Variants in AP1AR observed in about 807,000 individuals in gnomAD.
The protein encoded by AP1AR is AP-1 complex-associated regulatory protein.
AP1AR carries 29 observed loss-of-function variants against 46.3 expected under a neutral mutation model. The observed-to-expected ratio is 0.63, with a 90% CI of 0.47 to 0.85. The LOEUF (loss-of-function observed/expected upper bound fraction) is 0.85. Among genes scored for constraint, AP1AR ranks in the 40% least tolerant of loss-of-function variants. AP1AR has a pLI of 0.00. For missense variants in AP1AR, 357 were observed against 356.3 expected, an observed-to-expected ratio of 1.00 and a Z score of -0.02; for synonymous variants, 122 against 122.9, an observed-to-expected ratio of 0.99 and a Z score of 0.05.
chr4:112,257,441 T>C (rs1160612114), intron 3 of AP1AR, among the ~76,000 whole-genome samples: 1 of 152,114 alleles, frequency 6.6e-6, no homozygotes, highest in Non-Finnish European at 1.5e-5. Flanking sequence ...AATGAGAACA[T>C]AGAGAATATG....
At chr4:112,233,216 C>A (rs1325967551) in intron 1 of AP1AR, among the ~76,000 whole-genome samples, 3 of 152,098 alleles carry the variant, frequency 2.0e-5, no homozygotes, top group African/African-American at 4.8e-5. Flanking sequence ...TAATTTGAAT[C>A]TTTGGTAATG....
chr4:112,232,048 G>A lies in AP1AR; in HGVS notation c.-44G>A. On this transcript the variant is annotated 5_prime_UTR_variant, in exon 1 of 10. Coordinates refer to ENST00000274000, the MANE Select transcript of AP1AR (RefSeq NM_018569.6). ...GCTGCCGGGCCTGGGTTTGGGCATT[G>A]AGCGGGAGGAGGAGGAGGAGCGGCG... 2.2e-6 allele frequency: 3 copies of A among 1,345,838 alleles called. No individual in the cohort carries two copies. The highest frequency in any genetic ancestry group is 3.6e-5 in the Admixed American group (1 of 28,112). The allele number at this position is 1,345,838 out of a possible 1,614,324, so 83.4% of individuals were successfully genotyped here.
At chr4:112,253,577 G>A (rs1029770125) in intron 2 of AP1AR, among the ~76,000 whole-genome samples, 2 of 152,226 alleles carry the variant, frequency 1.3e-5, no homozygotes, top group African/African-American at 4.8e-5. Context: ...GCAGGGGGGA[G>A]TCCAGAAACA....
intron 1 of AP1AR, among the ~76,000 whole-genome samples, chr4:112,241,596 G>C (rs1242993089): frequency 1.3e-5 from 2 of 152,170 alleles, no homozygotes; most frequent in Non-Finnish European, 2.9e-5. Context: ...GCTTTACTCA[G>C]TCCACCAATT....
chr4:112,265,157 G>A (rs777418398), intron 7 of AP1AR, 90 bp downstream of exon 7: 2 of 936,142 alleles, frequency 2.1e-6, no homozygotes, highest in Non-Finnish European at 3.1e-6. Flanking sequence ...GTGTATATAC[G>A]CATTCATGTT....
At chr4:112,236,885 T>A (rs1160869849) in intron 1 of AP1AR, among the ~76,000 whole-genome samples, 2 of 152,214 alleles carry the variant, frequency 1.3e-5, no homozygotes, top group Non-Finnish European at 2.9e-5. Context: ...AGAATAACAT[T>A]AAAGCTATTC....
chr4:112,233,861 C>T (rs562196346), intron 1 of AP1AR, among the ~76,000 whole-genome samples: 2 of 151,810 alleles, frequency 1.3e-5, no homozygotes, highest in South Asian at 2.1e-4. Context: ...TGGAGTATTT[C>T]TTTCTTTTTT....
At chr4:112,252,170 G>GCAAAGCTGCCCTTGGCT (rs1294474163) in intron 1 of AP1AR, among the ~76,000 whole-genome samples, 3 of 152,136 alleles carry the variant, frequency 2.0e-5, no homozygotes, top group Admixed American at 1.3e-4. Context: ...GCCAAGGAGT[G>GCAAAGCTGCCCTTGGCT]CAAAGCTGCA....
intron 5 of AP1AR, among the ~76,000 whole-genome samples, chr4:112,261,205 G>C (rs1429135067): frequency 6.6e-6 from 1 of 152,214 alleles, no homozygotes; most frequent in Non-Finnish European, 1.5e-5. Flanking sequence ...GGCCGAGGCA[G>C]ACAGATTGCT....
At chr4:112,247,182 TA>T (rs1725760105) in intron 1 of AP1AR, among the ~76,000 whole-genome samples, 3 of 152,210 alleles carry the variant, frequency 2.0e-5, no homozygotes, top group Non-Finnish European at 4.4e-5. Context: ...GTATTGGTAG[TA>T]ACATGAAGTG....
intron 5 of AP1AR, 102 bp from the exon 6 acceptor site, chr4:112,262,886 T>G: frequency 1.3e-6 from 1 of 751,060 alleles, no homozygotes; most frequent in East Asian, 2.7e-5. Flanking sequence ...CAATTATTTT[T>G]TAATAATTTA....
intron 4 of AP1AR, among the ~76,000 whole-genome samples, chr4:112,258,855 A>G (rs1726317431): frequency 6.6e-6 from 1 of 152,198 alleles, no homozygotes; most frequent in Non-Finnish European, 1.5e-5. Flanking sequence ...AAGCCCTAAT[A>G]TATAACTAGG....
At chr4:112,238,693 C>T (rs182251029) in intron 1 of AP1AR, among the ~76,000 whole-genome samples, 3 of 152,244 alleles carry the variant, frequency 2.0e-5, no homozygotes, top group Admixed American at 2.0e-4. Context: ...TTCCCTAATA[C>T]ATTTTTAGTC....
intron 1 of AP1AR, among the ~76,000 whole-genome samples, chr4:112,242,468 T>C (rs540210022): frequency 6.6e-6 from 1 of 152,024 alleles, no homozygotes; most frequent in South Asian, 2.1e-4. Flanking sequence ...AAAAGCTTAC[T>C]TGGCTCACAA....
At chr4:112,255,650 C>T (rs906763534) in intron 3 of AP1AR, among the ~76,000 whole-genome samples, 2 of 152,152 alleles carry the variant, frequency 1.3e-5, no homozygotes, top group Admixed American at 6.5e-5. Context: ...TGACTTTAGC[C>T]ATCATCTCTT....
chr4:112,256,447 C>T (rs963261141), intron 3 of AP1AR, among the ~76,000 whole-genome samples: 7 of 152,212 alleles, frequency 4.6e-5, no homozygotes, highest in Non-Finnish European at 7.3e-5. Flanking sequence ...ATCCCAGCAT[C>T]GTAACACTTT....
chr4:112,270,966 G>C lies in AP1AR; in HGVS notation c.*2557G>C, dbSNP rs906255841. On this transcript the variant is annotated 3_prime_UTR_variant, in exon 10 of 10. Coordinates refer to ENST00000274000, the MANE Select transcript of AP1AR (RefSeq NM_018569.6). ...TATAGCACTCCCAATGGAATATAGT[G>C]TGCCTTGGGTTTACAATGGCTGTGA... Among the ~76,000 whole-genome samples the C allele has an allele frequency of 2.0e-5, 3 of 152,184 alleles. No individual in the cohort carries two copies. Among genetic ancestry groups the C allele is most frequent in the African/African-American group, 4.8e-5 (2 of 41,438 alleles).
chr4:112,268,780 A>G lies in AP1AR; in HGVS notation c.*371A>G, dbSNP rs569139415. On this transcript the variant is annotated 3_prime_UTR_variant, in exon 10 of 10. Transcript: ENST00000274000. ...TTCATTGTCTAACTATGAAAATATT[A>G]AGACTTTTTTGTTAATTCTCAGCCG... is the stretch of plus-strand genomic sequence containing the variant. The G allele has an allele frequency of 2.5e-5, 4 of 159,192 alleles. No homozygotes were observed. Among genetic ancestry groups the G allele is most frequent in the African/African-American group, 9.6e-5 (4 of 41,848 alleles). 9.9% of individuals were successfully genotyped at this position (159,192 alleles called of 1,614,324 possible).
chr4:112,257,823 C>T (rs547174670), intron 4 of AP1AR, 26 bp downstream of exon 4: 10 of 1,445,258 alleles, frequency 6.9e-6, no homozygotes, highest in Non-Finnish European at 9.3e-6. Context: ...AAAAAAAAAA[C>T]AAAACTTCTA....
Sources: allele counts gnomAD v4.1 joint callset (sites outside exome capture counted in the v4.1 genomes callset), GRCh38; gene constraint gnomAD v4.1.1; transcripts MANE v1.5; gene names NCBI Gene and HGNC (gene_info 2026-07-23, HGNC 2026-07-21).